DEFB123: variants seen among roughly 807,000 people sequenced by gnomAD.
The protein encoded by DEFB123 is defensin beta 123.
For synonymous variants in DEFB123, 22 were observed against 28.3 expected, an observed-to-expected ratio of 0.78 and a Z score of 0.71; for missense variants, 71 against 75.0, an observed-to-expected ratio of 0.95 and a Z score of 0.20.
intron 1 of DEFB123, among the ~76,000 whole-genome samples, chr20:31,441,627 A>G (rs1217052161): frequency 1.3e-5 from 2 of 152,164 alleles, no homozygotes; most frequent in Non-Finnish European, 2.9e-5. Flanking sequence ...CCACCCACCA[A>G]TTCCAGCATG....
At chr20:31,448,342 G>T (rs1979644616) in intron 1 of DEFB123, among the ~76,000 whole-genome samples, 2 of 151,822 alleles carry the variant, frequency 1.3e-5, no homozygotes, top group Admixed American at 1.3e-4. Flanking sequence ...CTTCTCTTTT[G>T]GTTTTATTCA....
intron 1 of DEFB123, among the ~76,000 whole-genome samples, chr20:31,444,270 T>C (rs1979532093): frequency 6.6e-6 from 1 of 150,632 alleles, no homozygotes; most frequent in South Asian, 2.1e-4. Context: ...GAGATTTAGG[T>C]GGGACACCTG....
At chr20:31,446,636 A>G (rs1233252419) in intron 1 of DEFB123, among the ~76,000 whole-genome samples, 3 of 152,222 alleles carry the variant, frequency 2.0e-5, no homozygotes, top group Non-Finnish European at 4.4e-5. Context: ...TTCCTGCACC[A>G]GGTCTTGAAT....
intron 1 of DEFB123, among the ~76,000 whole-genome samples, chr20:31,448,252 C>T (rs1415489235): frequency 1.3e-5 from 2 of 152,084 alleles, no homozygotes; most frequent in Non-Finnish European, 1.5e-5. Flanking sequence ...ATGTACATAA[C>T]GTGTCTTTTC....
At chr20:31,441,405 G>A (rs1395090936) in intron 1 of DEFB123, among the ~76,000 whole-genome samples, 1 of 152,148 alleles carries the variant, frequency 6.6e-6, no homozygotes, top group African/African-American at 2.4e-5. Context: ...AAGCAGAAGG[G>A]TGTCCCAGGC....
intron 1 of DEFB123, among the ~76,000 whole-genome samples, chr20:31,449,475 G>A (rs1247283929): frequency 6.6e-6 from 1 of 152,078 alleles, no homozygotes; most frequent in Admixed American, 6.5e-5. Context: ...TCAGGCAGGT[G>A]GAAACACAAG....
rs1330307121 is a variant in DEFB123, at chr20:31,450,231, A to G, written c.*57A>G. The stretch of plus-strand genomic sequence containing the variant: ...GATGAAGCTCCCAGTGGATTCCCAC[A>G]CTCTATCAATAAACACCTCTGGCTG... On this transcript the variant is annotated 3_prime_UTR_variant, in exon 2 of 2. Coordinates refer to ENST00000376309, the MANE Select transcript of DEFB123 (RefSeq NM_153324.4). 2 of 1,546,694 alleles carry G rather than the reference A, an allele frequency of 1.3e-6. No individual in the cohort carries two copies. Among genetic ancestry groups the G allele is most frequent in the Non-Finnish European group, 1.7e-6 (2 of 1,152,236 alleles).
intron 1 of DEFB123, among the ~76,000 whole-genome samples, chr20:31,441,738 C>T (rs1195729621): frequency 6.6e-6 from 1 of 152,132 alleles, no homozygotes; most frequent in Admixed American, 6.5e-5. Flanking sequence ...ATTTCCTAAA[C>T]AAGCTGACCT....
chr20:31,449,937 T>G (rs1979695028), intron 1 of DEFB123, 92 bp from the exon 2 acceptor site: 2 of 1,420,754 alleles, frequency 1.4e-6, no homozygotes, highest in Non-Finnish European at 1.9e-6. Flanking sequence ...GGACCTTCTA[T>G]CTCATCTGTT....
intron 1 of DEFB123, among the ~76,000 whole-genome samples, chr20:31,445,910 G>A (rs185903572): frequency 6.6e-6 from 1 of 152,290 alleles, no homozygotes; most frequent in Admixed American, 6.5e-5. Context: ...CATTCATTAC[G>A]ATCTTTATGC....
In DEFB123 at chr20:31,447,219, G is replaced by A. The variant is rs866383399; in HGVS notation, c.59-2810G>A. Reference sequence around the variant, plus strand: ...GGAGGTTGCGGTGAGCTGAGATTGCGCCATTGCACTCCAGCCTGGGCAACA... The same window carrying A: ...GGAGGTTGCGGTGAGCTGAGATTGCACCATTGCACTCCAGCCTGGGCAACA... On this transcript the variant is annotated intron_variant, in intron 1 of 1. Coordinates refer to ENST00000376309, the MANE Select transcript of DEFB123 (RefSeq NM_153324.4). Among the ~76,000 whole-genome samples the A allele has an allele frequency of 7.2e-5, 11 of 152,006 alleles. 1 individual carries two copies. The South Asian group carries it at 8.3e-4, about 12-fold the overall frequency.
chr20:31,440,688 C>T lies in DEFB123; in HGVS notation c.-11C>T. ...ATCGGACTTGCAGCTTCATTTTGGG[C>T]TGCCTTAGCCATGAAGCTCCTTTTG... On this transcript the variant is annotated 5_prime_UTR_variant, in exon 1 of 2. Transcript: ENST00000376309. 6.2e-7 allele frequency: 1 copy of T among 1,613,680 alleles called. No individual in the cohort carries two copies. The highest frequency in any genetic ancestry group is 1.7e-5 in the Admixed American group (1 of 60,034).
intron 1 of DEFB123, among the ~76,000 whole-genome samples, chr20:31,449,542 T>C (rs1205276950): frequency 6.6e-6 from 1 of 152,028 alleles, no homozygotes; most frequent in African/African-American, 2.4e-5. Flanking sequence ...TTTTTGGTGT[T>C]TGGTATTTTT....
At chr20:31,444,006 C>A (rs1315070568) in intron 1 of DEFB123, among the ~76,000 whole-genome samples, 1 of 152,134 alleles carries the variant, frequency 6.6e-6, no homozygotes, top group Non-Finnish European at 1.5e-5. Context: ...AATGTTGGTC[C>A]TTAAAATGGT....
intron 1 of DEFB123, among the ~76,000 whole-genome samples, chr20:31,443,308 T>C (rs774779918): frequency 1.8e-4 from 27 of 152,264 alleles, no homozygotes; most frequent in Non-Finnish European, 2.2e-4. Flanking sequence ...CCTCACTGGT[T>C]TTCCTATCTC....
At chr20:31,445,005 T>A (rs192219838) in intron 1 of DEFB123, among the ~76,000 whole-genome samples, 23 of 152,376 alleles carry the variant, frequency 1.5e-4, no homozygotes, top group African/African-American at 5.5e-4. Flanking sequence ...ATTTTTTAAT[T>A]TACTGGTTCC....
rs376889847 is a variant in DEFB123 at position 31,449,126 on chromosome 20, C to T, written c.59-903C>T. Among the ~76,000 whole-genome samples the T allele has an allele frequency of 1.8e-4, 28 of 152,060 alleles. 2 individuals are homozygous for T. The East Asian group carries it at 1.9e-3, about 10-fold the overall frequency. On this transcript the variant is annotated intron_variant, in intron 1 of 1. Transcript: ENST00000376309. ...ATATTTATCATAGCTGTTTTATCATCCTTGTCTGCTAGTTTCATCATCATT... is the reference window on the plus strand; with the variant it reads ...ATATTTATCATAGCTGTTTTATCATTCTTGTCTGCTAGTTTCATCATCATT...
At chr20:31,444,714 A>T (rs921846660) in intron 1 of DEFB123, among the ~76,000 whole-genome samples, 1 of 152,216 alleles carries the variant, frequency 6.6e-6, no homozygotes, top group African/African-American at 2.4e-5. Context: ...AGAATCACAG[A>T]TGCTGCACAC....
chr20:31,443,991 T>C (rs1040989891), intron 1 of DEFB123, among the ~76,000 whole-genome samples: 8 of 152,200 alleles, frequency 5.3e-5, no homozygotes, highest in African/African-American at 1.7e-4. Flanking sequence ...TGAACTTCCT[T>C]AACAAATGTT....
Sources: gnomAD v4.1 joint callset for allele counts (sites outside exome capture counted in the v4.1 genomes callset) on GRCh38, gnomAD v4.1.1 for gene constraint, MANE v1.5 for transcripts, NCBI Gene and HGNC (gene_info 2026-07-23, HGNC 2026-07-21) for gene names.